Variants in KHDRBS2 observed in about 807,000 individuals in gnomAD.
KHDRBS2 encodes KH RNA binding domain containing, signal transduction associated 2, also known as KH domain-containing, RNA-binding, signal transduction-associated protein 2.
KHDRBS2 carries 26 observed loss-of-function variants against 44.3 expected under a neutral mutation model. The observed-to-expected ratio is 0.59, with a 90% CI of 0.43 to 0.81. KHDRBS2 has a LOEUF of 0.81. Among genes scored for constraint, KHDRBS2 ranks in the 40% least tolerant of loss-of-function variants. The probability of loss-of-function intolerance (pLI) is 0.00; values close to 1 mark genes in which losing one functional copy is unlikely to be tolerated. For synonymous variants in KHDRBS2, 194 were observed against 151.1 expected (o/e 1.28, Z -2.08); for missense variants, 476 against 433.1 (o/e 1.10, Z -0.88).
intron 1 of KHDRBS2, among the ~76,000 whole-genome samples, chr6:62,197,942 A>T (rs1424625664): frequency 6.6e-6 from 1 of 152,150 alleles, no homozygotes; most frequent in Non-Finnish European, 1.5e-5. Flanking sequence ...CTCACTCCAA[A>T]CCACTCAATT....
chr6:61,777,791 A>G (rs1231866976), intron 6 of KHDRBS2, among the ~76,000 whole-genome samples: 5 of 152,206 alleles, frequency 3.3e-5, no homozygotes, highest in Admixed American at 6.5e-5. Flanking sequence ...AAATAAAAAT[A>G]TCACATAGCT....
intron 4 of KHDRBS2, among the ~76,000 whole-genome samples, chr6:61,974,895 C>T (rs150474072): frequency 0.011 from 1,692 of 151,614 alleles, 14 homozygotes; most frequent in Middle Eastern, 0.02. Context: ...CGTTCCATTG[C>T]ATTCCAGCCT....
At chr6:61,946,371 A>T (rs534119208) in intron 4 of KHDRBS2, among the ~76,000 whole-genome samples, 5 of 152,220 alleles carry the variant, frequency 3.3e-5, no homozygotes, top group Non-Finnish European at 5.9e-5. Context: ...ATAGAATGGC[A>T]TAAAGCCTTA....
chr6:61,563,032 T>C, the KHDRBS2 span, among the ~76,000 whole-genome samples: 2 of 152,130 alleles, frequency 1.3e-5, no homozygotes, highest in East Asian at 3.9e-4. Flanking sequence ...ATAAGAGTGC[T>C]TCCTATCACC....
chr6:61,619,676 A>T, the KHDRBS2 span, among the ~76,000 whole-genome samples: 1 of 150,898 alleles, frequency 6.6e-6, no homozygotes, highest in East Asian at 2.0e-4. Context: ...CTGGTCTCGA[A>T]CTCCTGACCT....
At chr6:62,194,568 T>C (rs1248579965) in intron 1 of KHDRBS2, among the ~76,000 whole-genome samples, 6 of 130,938 alleles carry the variant, frequency 4.6e-5, no homozygotes, top group Non-Finnish European at 7.8e-5. Context: ...AGGCACAATC[T>C]CAGCTCACTG....
intron 2 of KHDRBS2, among the ~76,000 whole-genome samples, chr6:62,101,440 G>T (rs1801887402): frequency 6.6e-6 from 1 of 152,170 alleles, no homozygotes; most frequent in African/African-American, 2.4e-5. Flanking sequence ...AAAAACTCCA[G>T]TTTAACAGAT....
At chr6:61,612,375 G>T in the KHDRBS2 span, among the ~76,000 whole-genome samples, 1 of 152,112 alleles carries the variant, frequency 6.6e-6, no homozygotes, top group Non-Finnish European at 1.5e-5. Flanking sequence ...TTTTTGGAAG[G>T]GAAAGTGGTT....
At chr6:61,574,090 A>G in the KHDRBS2 span, among the ~76,000 whole-genome samples, 4 of 152,194 alleles carry the variant, frequency 2.6e-5, no homozygotes, top group Non-Finnish European at 5.9e-5. Context: ...CCATATGTAA[A>G]AAAATGAAAC....
At chr6:61,922,701 T>C (rs1325777384) in intron 4 of KHDRBS2, among the ~76,000 whole-genome samples, 5 of 152,068 alleles carry the variant, frequency 3.3e-5, no homozygotes, top group Non-Finnish European at 7.4e-5. Context: ...GGAATAATTA[T>C]CTCTACGAGG....
At chr6:61,717,941 G>A (rs1299271001) in intron 7 of KHDRBS2, among the ~76,000 whole-genome samples, 1 of 151,936 alleles carries the variant, frequency 6.6e-6, no homozygotes, top group African/African-American at 2.4e-5. Flanking sequence ...TGGTCTTTAT[G>A]TCTAACACCG....
chr6:62,059,144 G>A (rs1791010640), intron 2 of KHDRBS2, among the ~76,000 whole-genome samples: 1 of 133,174 alleles, frequency 7.5e-6, no homozygotes, highest in Non-Finnish European at 1.6e-5. Context: ...TACAGATTAA[G>A]TGCTATAGAA....
chr6:61,774,419 C>A (rs554656829), intron 6 of KHDRBS2, among the ~76,000 whole-genome samples: 129 of 152,116 alleles, frequency 8.5e-4, no homozygotes, highest in African/African-American at 3.1e-3. Flanking sequence ...CCCATAATCT[C>A]CTTAAGCTGA....
chr6:61,578,339 T>C, the KHDRBS2 span, among the ~76,000 whole-genome samples: 1 of 152,166 alleles, frequency 6.6e-6, no homozygotes, highest in Non-Finnish European at 1.5e-5. Flanking sequence ...AACAGTACAG[T>C]AGTCAAAAGT....
chr6:61,884,235 T>A (rs1435670641), intron 6 of KHDRBS2, among the ~76,000 whole-genome samples: 2 of 152,070 alleles, frequency 1.3e-5, no homozygotes, highest in Admixed American at 6.6e-5. Flanking sequence ...TAGGCTGGAA[T>A]GCCGATAGGC....
At chr6:62,070,387 G>A (rs1331543186) in intron 2 of KHDRBS2, among the ~76,000 whole-genome samples, 3 of 150,856 alleles carry the variant, frequency 2.0e-5, no homozygotes, top group South Asian at 4.2e-4. Flanking sequence ...TGTGCACAAT[G>A]TGCAGGTTTG....
intron 6 of KHDRBS2, among the ~76,000 whole-genome samples, chr6:61,852,571 A>T (rs1045676278): frequency 9.9e-5 from 15 of 152,156 alleles, no homozygotes; most frequent in African/African-American, 3.4e-4. Context: ...TCAAAAAAAA[A>T]AAAAAAAAGA....
chr6:61,852,937 C>A (rs1167632270), intron 6 of KHDRBS2, among the ~76,000 whole-genome samples: 1 of 152,112 alleles, frequency 6.6e-6, no homozygotes, highest in African/African-American at 2.4e-5. Flanking sequence ...CTCTACCCAC[C>A]ATACCTAACC....
At chr6:61,900,411 C>T (rs9453404) in intron 5 of KHDRBS2, among the ~76,000 whole-genome samples, 3 of 151,772 alleles carry the variant, frequency 2.0e-5, no homozygotes, top group Non-Finnish European at 4.4e-5. Context: ...GATTTAAAAG[C>T]CAATTATAAC....
Sources: gnomAD v4.1 joint callset for allele counts (sites outside exome capture counted in the v4.1 genomes callset) on GRCh38, gnomAD v4.1.1 for gene constraint, MANE v1.5 for transcripts, NCBI Gene and HGNC (gene_info 2026-07-23, HGNC 2026-07-21) for gene names.